The following TNNT1 variants were observed in gnomAD, a reference collection of about 807,000 sequenced individuals.
TNNT1 encodes the protein troponin T1, slow skeletal type.
Under a neutral mutation model 50.6 loss-of-function variants are expected in TNNT1, and 53 were observed. That is an observed-to-expected ratio of 1.05 (90% CI 0.84 to 1.32). The LOEUF is 1.32. Ranked by LOEUF, TNNT1 falls within the 40% of genes most tolerant of loss-of-function variation. The probability of loss-of-function intolerance (pLI) is 0.00; values close to 1 mark genes in which losing one functional copy is unlikely to be tolerated. For missense variants in TNNT1, 348 were observed against 381.7 expected (o/e 0.91, Z 0.74); for synonymous variants, 142 against 138.0 (o/e 1.03, Z -0.20).
intron 4 of TNNT1, 81 bp downstream of exon 4, chr19:55,146,600 C>T: frequency 8.2e-7 from 1 of 1,213,254 alleles, no homozygotes; most frequent in Non-Finnish European, 1.1e-6. Context: ...GTCGGGAGCC[C>T]CATCCCGCCC....
chr19:55,138,187 G>T, intron 9 of TNNT1, 113 bp from the exon 10 acceptor site: 1 of 1,574,678 alleles, frequency 6.4e-7, no homozygotes, highest in Non-Finnish European at 8.6e-7. Flanking sequence ...CGCAGAGGCT[G>T]CTGGGACATC....
At chr19:55,142,311 CG>C (rs1246451825) in intron 6 of TNNT1, among the ~76,000 whole-genome samples, 4 of 148,968 alleles carry the variant, frequency 2.7e-5, no homozygotes, top group African/African-American at 1.0e-4. Flanking sequence ...TTAGTAGAGA[CG>C]GGGCTTCACT....
intron 6 of TNNT1, among the ~76,000 whole-genome samples, chr19:55,144,761 G>A (rs529101974): frequency 5.9e-5 from 9 of 152,354 alleles, no homozygotes; most frequent in Middle Eastern, 3.4e-3. Context: ...GGAAAGGTCC[G>A]CTGGAGCCAG....
At chr19:55,141,505 CTT>C (rs751662002) in intron 7 of TNNT1, among the ~76,000 whole-genome samples, 18 of 143,808 alleles carry the variant, frequency 1.3e-4, no homozygotes, top group South Asian at 2.2e-4. Context: ...GGACCGGCGC[CTT>C]TTTTTTTTTT....
rs374915692 is a variant in TNNT1 at position 55,147,186 on chromosome 19, G to C, written c.-11-18C>G. 6.2e-7 allele frequency: 1 copy of C among 1,612,160 alleles called. No individual in the cohort carries two copies. The highest frequency in any genetic ancestry group is 1.3e-5 in the African/African-American group (1 of 75,020). On this transcript the variant is annotated intron_variant, in intron 1 of 13. Coordinates refer to ENST00000588981, the MANE Select transcript of TNNT1 (RefSeq NM_003283.6). ...GGTGCGGCCTAAGGACCAGAGAGAA[G>C]AGGCCCAGTGGGGTGGGGCCCCAAG...
At chr19:55,146,786 G>A in intron 3 of TNNT1, 79 bp from the exon 4 acceptor site, 2 of 1,248,822 alleles carry the variant, frequency 1.6e-6, no homozygotes, top group South Asian at 3.2e-5. Flanking sequence ...CAGGGTTCCA[G>A]TCTCTGCTGG....
intron 6 of TNNT1, 143 bp downstream of exon 6, chr19:55,145,401 G>GGGA (rs549817331): frequency 7.0e-5 from 51 of 727,082 alleles, no homozygotes; most frequent in East Asian, 2.6e-4. Flanking sequence ...GAAAGGGGGA[G>GGGA]GGAGGAGGAG....
chr19:55,138,422 C>T (rs1171103578), intron 9 of TNNT1, among the ~76,000 whole-genome samples: 1 of 152,148 alleles, frequency 6.6e-6, no homozygotes, highest in Non-Finnish European at 1.5e-5. Context: ...GGATTACAGG[C>T]ACCCGCCACC....
intron 3 of TNNT1, 59 bp from the exon 4 acceptor site, chr19:55,146,766 G>A (rs1031626329): frequency 1.5e-6 from 2 of 1,374,002 alleles, no homozygotes; most frequent in African/African-American, 1.5e-5. Context: ...TGGGGGCGGT[G>A]GCCAGAGACC....
intron 6 of TNNT1, among the ~76,000 whole-genome samples, chr19:55,142,937 G>A (rs1482421500): frequency 6.6e-6 from 1 of 151,568 alleles, no homozygotes; most frequent in Admixed American, 6.6e-5. Context: ...GCCAAGGTGG[G>A]CGAATCACTT....
At chr19:55,138,997 T>A (rs1285505047) in intron 9 of TNNT1, among the ~76,000 whole-genome samples, 1 of 152,092 alleles carries the variant, frequency 6.6e-6, no homozygotes, top group African/African-American at 2.4e-5. Flanking sequence ...CCTGAATTAG[T>A]TTCCTTTCTG....
At chr19:55,133,964 G>T (rs2085295848) in intron 12 of TNNT1, 37 bp from the exon 13 acceptor site, 7 of 1,482,602 alleles carry the variant, frequency 4.7e-6, no homozygotes, top group Non-Finnish European at 6.2e-6. Flanking sequence ...GACAGCCGGT[G>T]GGGACGTGGG....
intron 6 of TNNT1, chr19:55,142,160 A>C: frequency 1.4e-5 from 6 of 441,678 alleles, no homozygotes; most frequent in South Asian, 1.3e-4. Context: ...TTGCTCTGTC[A>C]CCCAGGCTGG....
At chr19:55,146,943 G>A (rs2085568273) in intron 3 of TNNT1, 65 bp downstream of exon 3, 4 of 1,521,294 alleles carry the variant, frequency 2.6e-6, no homozygotes, top group Non-Finnish European at 3.5e-6. Flanking sequence ...CACACTCCTC[G>A]CCTCCCCTCC....
In TNNT1 at chr19:55,147,109, C is replaced by T; in HGVS notation, c.32+17G>A. The stretch of plus-strand genomic sequence containing the variant: ...TCCACCACTGCACGCCCCAACCCCT[C>T]CCAGTGCAGCACTCACTCCTCATAT... On this transcript the variant is annotated intron_variant, in intron 2 of 13. Coordinates refer to ENST00000588981, the MANE Select transcript of TNNT1 (RefSeq NM_003283.6). 6.2e-7 allele frequency: 1 copy of T among 1,613,820 alleles called. No individual in the cohort carries two copies. Among genetic ancestry groups the T allele is most frequent in the East Asian group, 2.2e-5 (1 of 44,852 alleles).
intron 8 of TNNT1, 76 bp from the exon 9 acceptor site, chr19:55,141,036 G>C: frequency 6.3e-7 from 1 of 1,575,038 alleles, no homozygotes; most frequent in Non-Finnish European, 8.7e-7. Flanking sequence ...CTAATAAACA[G>C]ATTGGAGTGT....
At chr19:55,144,851 A>G (rs2085518734) in intron 6 of TNNT1, among the ~76,000 whole-genome samples, 2 of 152,216 alleles carry the variant, frequency 1.3e-5, no homozygotes, top group African/African-American at 4.8e-5. Flanking sequence ...GATTCTGAGC[A>G]GAGGAGGGGC....
In TNNT1 at chr19:55,145,520, GC is replaced by G. The variant is rs762276514; in HGVS notation, c.128+23del. 5 of 1,612,576 alleles carry G rather than the reference GC, an allele frequency of 3.1e-6. No individual in the cohort carries two copies. The South Asian group carries it at 3.3e-5, about 11-fold the overall frequency. ...ATATTTAGGAAGATGTATGACTGGG[GC>G]CCCCCACCCTGTAGGATCTCACCTT... On this transcript the variant is annotated intron_variant, in intron 6 of 13. Transcript: ENST00000588981.
chr19:55,139,596 T>C (rs1157647536), intron 9 of TNNT1, among the ~76,000 whole-genome samples: 1 of 152,162 alleles, frequency 6.6e-6, no homozygotes, highest in Non-Finnish European at 1.5e-5. Context: ...AGGACCCTTG[T>C]GATGATCTTG....
Sources: allele counts gnomAD v4.1 joint callset (sites outside exome capture counted in the v4.1 genomes callset), GRCh38; gene constraint gnomAD v4.1.1; transcripts MANE v1.5; gene names NCBI Gene and HGNC (gene_info 2026-07-23, HGNC 2026-07-21).